GFRA1: variants seen among roughly 807,000 people sequenced by gnomAD.
GFRA1 encodes the protein GDNF family receptor alpha-1.
In GFRA1, 16 loss-of-function variants were observed where a neutral mutation model predicts 51.6. The ratio of observed to expected loss-of-function variants is 0.31; its 90% CI spans 0.21 to 0.47. The LOEUF is 0.47. Among genes scored for constraint, GFRA1 ranks in the 20% least tolerant of loss-of-function variants. The pLI is 1.00. For synonymous variants in GFRA1, 270 were observed against 241.3 expected, an observed-to-expected ratio of 1.12 and a Z score of -1.10; for missense variants, 530 against 594.3, an observed-to-expected ratio of 0.89 and a Z score of 1.13.
At chr10:116,087,019 T>G (rs553103152) in intron 9 of GFRA1, among the ~76,000 whole-genome samples, 1 of 152,214 alleles carries the variant, frequency 6.6e-6, no homozygotes. Flanking sequence ...GATTTTACCA[T>G]GTTGGCCAGG....
chr10:116,072,114 C>G (rs538863998), intron 9 of GFRA1, among the ~76,000 whole-genome samples: 1 of 151,420 alleles, frequency 6.6e-6, no homozygotes, highest in East Asian at 1.9e-4. Flanking sequence ...ATATATTCAA[C>G]TTAGTTTGCA....
At chr10:116,122,212 T>A (rs1414971573) in intron 6 of GFRA1, among the ~76,000 whole-genome samples, 1 of 152,136 alleles carries the variant, frequency 6.6e-6, no homozygotes, top group East Asian at 1.9e-4. Context: ...CTAAACAGCC[T>A]CTGAGCTTCT....
At chr10:116,207,767 G>A (rs943901440) in intron 5 of GFRA1, among the ~76,000 whole-genome samples, 1 of 152,120 alleles carries the variant, frequency 6.6e-6, no homozygotes, top group South Asian at 2.1e-4. Context: ...GACAGCAGAT[G>A]TAAGTCATGG....
chr10:116,266,723 G>A (rs1969684482), intron 4 of GFRA1, among the ~76,000 whole-genome samples: 1 of 152,208 alleles, frequency 6.6e-6, no homozygotes, highest in African/African-American at 2.4e-5. Context: ...GAATGCATAA[G>A]TGAAACTTGG....
intron 5 of GFRA1, among the ~76,000 whole-genome samples, chr10:116,178,700 C>T (rs1363860181): frequency 1.3e-5 from 2 of 152,164 alleles, no homozygotes; most frequent in Admixed American, 6.5e-5. Flanking sequence ...TCGGCAAATA[C>T]ACTCAAACCA....
Position 116,060,429 on chromosome 10 carries a change from C to T in GFRA1, c.*3969G>A, listed in dbSNP as rs535832371. The T allele has an allele frequency of 1.3e-5, 2 of 152,296 alleles. No individual in the cohort carries two copies. The highest frequency in any genetic ancestry group is 4.1e-4 in the South Asian group (2 of 4,830). 9.4% of individuals were successfully genotyped at this position (152,296 alleles called of 1,614,324 possible). A position where few individuals can be genotyped will look rare whatever the true frequency, so the allele number is the denominator to read the frequency against. ...CTGATTCAAGGAACTCTGGCTGTTT[C>T]GTTAGAAGGTCCCTGTTCTGATCAG... On this transcript the variant is annotated 3_prime_UTR_variant, in exon 11 of 11. Coordinates refer to ENST00000355422, the MANE Select transcript of GFRA1 (RefSeq NM_005264.8).
chr10:116,080,534 T>G (rs1955805392), intron 9 of GFRA1, among the ~76,000 whole-genome samples: 1 of 152,196 alleles, frequency 6.6e-6, no homozygotes, highest in African/African-American at 2.4e-5. Context: ...TCACGGTGCA[T>G]CTCTAGAATT....
chr10:116,155,243 TG>T (rs1959178469), intron 5 of GFRA1, among the ~76,000 whole-genome samples: 1 of 152,142 alleles, frequency 6.6e-6, no homozygotes, highest in South Asian at 2.1e-4. Context: ...AGCTGATGAC[TG>T]GCGGAGCACA....
At chr10:116,259,988 C>T (rs2134752872) in intron 4 of GFRA1, among the ~76,000 whole-genome samples, 1 of 152,284 alleles carries the variant, frequency 6.6e-6, no homozygotes, top group African/African-American at 2.4e-5. Flanking sequence ...CAGCGGGACT[C>T]CTCTTTGCTC....
chr10:116,097,817 T>C (rs553337040), intron 6 of GFRA1, among the ~76,000 whole-genome samples: 25 of 152,330 alleles, frequency 1.6e-4, no homozygotes, highest in South Asian at 4.1e-4. Context: ...GTTTTACTTC[T>C]TTCCACCTAA....
At chr10:116,105,584 T>C (rs908980324) in intron 6 of GFRA1, among the ~76,000 whole-genome samples, 2 of 152,200 alleles carry the variant, frequency 1.3e-5, no homozygotes, top group Non-Finnish European at 2.9e-5. Flanking sequence ...CCTTCAGATG[T>C]AGCTGTGATG....
intron 5 of GFRA1, among the ~76,000 whole-genome samples, chr10:116,154,729 C>A (rs1959169779): frequency 6.6e-6 from 1 of 152,174 alleles, no homozygotes; most frequent in Non-Finnish European, 1.5e-5. Context: ...AAAATAGTGA[C>A]TCCTAATGCC....
chr10:116,250,519 C>G (rs1160641826), intron 4 of GFRA1, among the ~76,000 whole-genome samples: 2 of 152,160 alleles, frequency 1.3e-5, no homozygotes, highest in African/African-American at 4.8e-5. Context: ...AAAACATGAG[C>G]CTAGCACTAG....
intron 6 of GFRA1, among the ~76,000 whole-genome samples, chr10:116,109,416 A>G (rs1474048917): frequency 2.6e-5 from 4 of 152,226 alleles, no homozygotes; most frequent in African/African-American, 9.6e-5. Context: ...ATTAGTGGGC[A>G]TTCTTTTTGG....
chr10:116,212,362 A>G (rs558110486), intron 4 of GFRA1, among the ~76,000 whole-genome samples: 1 of 152,142 alleles, frequency 6.6e-6, no homozygotes, highest in African/African-American at 2.4e-5. Flanking sequence ...TCTACTAAAA[A>G]TACAAAAATT....
At chr10:116,100,524 G>A (rs964727843) in intron 6 of GFRA1, among the ~76,000 whole-genome samples, 4 of 152,194 alleles carry the variant, frequency 2.6e-5, no homozygotes, top group African/African-American at 9.7e-5. Context: ...GATCAAATGA[G>A]TAGTGATGGG....
intron 5 of GFRA1, among the ~76,000 whole-genome samples, chr10:116,186,365 C>T (rs190312026): frequency 1.5e-4 from 23 of 152,280 alleles, no homozygotes; most frequent in Non-Finnish European, 3.1e-4. Flanking sequence ...AGAAAAGCCA[C>T]GTTACTTCAC....
chr10:116,173,847 C>A (rs1000147920), intron 5 of GFRA1, among the ~76,000 whole-genome samples: 1 of 146,212 alleles, frequency 6.8e-6, no homozygotes, highest in Admixed American at 6.9e-5. Flanking sequence ...GAGGCCAAGG[C>A]GGGCGGATCA....
At chr10:116,158,681 T>C (rs1959414990) in intron 5 of GFRA1, among the ~76,000 whole-genome samples, 1 of 152,174 alleles carries the variant, frequency 6.6e-6, no homozygotes, top group Non-Finnish European at 1.5e-5. Flanking sequence ...AGCAGGATGC[T>C]GGAGGCCACC....
Sources: gnomAD v4.1 joint callset for allele counts (sites outside exome capture counted in the v4.1 genomes callset) on GRCh38, gnomAD v4.1.1 for gene constraint, MANE v1.5 for transcripts, NCBI Gene and HGNC (gene_info 2026-07-23, HGNC 2026-07-21) for gene names.